The following DSC1 variants were observed in gnomAD, a reference collection of about 807,000 sequenced individuals.
DSC1 encodes desmocollin-1.
In DSC1, 79 loss-of-function variants were observed where a neutral mutation model predicts 98.8. The observed-to-expected ratio is 0.80, with a 90% CI of 0.67 to 0.96. The LOEUF (loss-of-function observed/expected upper bound fraction) is 0.96. DSC1 is among the 50% of genes least tolerant of loss of function. The pLI is 0.00. For synonymous variants in DSC1, 405 were observed against 372.1 expected (o/e 1.09, Z -1.02); for missense variants, 1,115 against 1,075.9 (o/e 1.04, Z -0.51).
At chr18:31,146,900 C>T (rs952769480) in intron 6 of DSC1, among the ~76,000 whole-genome samples, 2 of 152,086 alleles carry the variant, frequency 1.3e-5, no homozygotes, top group African/African-American at 2.4e-5. Flanking sequence ...ATATGCAAGA[C>T]AAAATCATAG....
intron 5 of DSC1, among the ~76,000 whole-genome samples, chr18:31,154,276 C>CAAA (rs66553394): frequency 0.4 from 55,714 of 139,480 alleles, 10,847 homozygotes; most frequent in Non-Finnish European, 0.45. Context: ...GAAAGGGATG[C>CAAA]AAAAAAAAAA....
intron 5 of DSC1, among the ~76,000 whole-genome samples, chr18:31,150,182 ATC>A (rs1988938445): frequency 7.1e-6 from 1 of 141,322 alleles, no homozygotes; most frequent in Non-Finnish European, 1.5e-5. Flanking sequence ...CACCACTACC[ATC>A]ACCACCATCA....
rs973363369 is a variant in DSC1 at position 31,148,444 on chromosome 18, C to T, written c.772+54G>A. On this transcript the variant is annotated intron_variant, in intron 6 of 15. Coordinates refer to ENST00000257198, the MANE Select transcript of DSC1 (RefSeq NM_024421.2). ...AACGTAAACATCTTTAATTATAATA[C>T]TTACGAAATGTCAAATAGTCTTCTT... 3.4e-5 allele frequency: 51 copies of T among 1,498,416 alleles called. No homozygotes were observed. In the East Asian group the frequency reaches 8.6e-4, roughly 25 times the overall value. The allele number at this position is 1,498,416 out of a possible 1,614,324, so 92.8% of individuals were successfully genotyped here.
chr18:31,131,827 G>A lies in DSC1; in HGVS notation c.2254C>T (p.Leu752Phe), dbSNP rs1988499105. Reference sequence around the variant, plus strand: ...CAAATGTTGGATGTCTGCATGGGGAGTCTAATATTTGCTTCCTAAAAGTAA... The same window carrying A: ...CAAATGTTGGATGTCTGCATGGGGAATCTAATATTTGCTTCCTAAAAGTAA... ...GEEVTEANIRLPMQTSNICDT... is the reference protein window; with the variant it reads ...GEEVTEANIRFPMQTSNICDT... The change falls in exon 15 of 16, where the codon CTC (leucine) becomes TTC (phenylalanine). Residue 752 changes from leucine to phenylalanine, a missense_variant. By Grantham distance (22) the Leu-to-Phe change is conservative. Transcript: ENST00000257198. 6.2e-7 allele frequency: 1 copy of A among 1,613,950 alleles called. No homozygotes were observed. The highest frequency in any genetic ancestry group is 1.3e-5 in the African/African-American group (1 of 75,032).
chr18:31,150,420 T>C (rs111211325), intron 5 of DSC1, among the ~76,000 whole-genome samples: 5,445 of 14,602 alleles, frequency 0.37, 856 homozygotes, highest in East Asian at 0.65. Flanking sequence ...ACATCATCAC[T>C]GCTACCACTA....
intron 6 of DSC1, 120 bp from the exon 7 acceptor site, chr18:31,145,897 A>T: frequency 8.3e-6 from 9 of 1,090,716 alleles, no homozygotes; most frequent in Non-Finnish European, 1.2e-5. Context: ...GATTAGTTCT[A>T]CTGTTAAGTT....
chr18:31,161,102 A>C (rs1261394395), intron 1 of DSC1, among the ~76,000 whole-genome samples: 2 of 152,158 alleles, frequency 1.3e-5, no homozygotes, highest in Non-Finnish European at 2.9e-5. Flanking sequence ...TATAGTATAT[A>C]GTATAGCTTA....
chr18:31,132,494 A>G (rs1213778955), intron 14 of DSC1, 74 bp downstream of exon 14: 3 of 1,567,460 alleles, frequency 1.9e-6, no homozygotes, highest in Non-Finnish European at 1.7e-6. Context: ...TGATATTATC[A>G]TTGACATTGT....
chr18:31,144,488 TGAAA>T (rs1187997673), intron 7 of DSC1, among the ~76,000 whole-genome samples: 2 of 152,044 alleles, frequency 1.3e-5, no homozygotes, highest in Admixed American at 1.3e-4. Context: ...TATTACTAAA[TGAAA>T]GAAGCCAATC....
At chr18:31,149,927 T>C (rs1422082607) in intron 5 of DSC1, among the ~76,000 whole-genome samples, 9 of 152,132 alleles carry the variant, frequency 5.9e-5, no homozygotes. Flanking sequence ...TCCATCAGTC[T>C]GATCTCTATA....
chr18:31,138,273 TA>T (rs1003924271), intron 11 of DSC1, among the ~76,000 whole-genome samples: 7 of 152,146 alleles, frequency 4.6e-5, no homozygotes, highest in Non-Finnish European at 1.0e-4. Context: ...ATTTTATTTT[TA>T]AAAAATTAGG....
At chr18:31,147,781 T>C (rs1237744646) in intron 6 of DSC1, among the ~76,000 whole-genome samples, 2 of 152,040 alleles carry the variant, frequency 1.3e-5, no homozygotes, top group Non-Finnish European at 2.9e-5. Context: ...CCTACAAAAG[T>C]CAAATCCTTT....
At chr18:31,158,159 C>T (rs1989138903) in intron 2 of DSC1, among the ~76,000 whole-genome samples, 1 of 152,042 alleles carries the variant, frequency 6.6e-6, no homozygotes, top group Non-Finnish European at 1.5e-5. Flanking sequence ...TCCAGCGACT[C>T]AGGAGGCTTA....
rs1988599946 is a variant in DSC1, at chr18:31,135,916, T to C, written c.1664-1132A>G. Among the ~76,000 whole-genome samples the C allele has an allele frequency of 2.0e-5, 3 of 152,264 alleles. No homozygotes were observed. The South Asian group carries it at 6.2e-4, about 32-fold the overall frequency. On this transcript the variant is annotated intron_variant, in intron 11 of 15. Coordinates refer to ENST00000257198, the MANE Select transcript of DSC1 (RefSeq NM_024421.2). ...ATCATAAAGACTACTATAACTCCCA[T>C]GCAAATATAATTTATTTTTCTTTTT...
At chr18:31,139,177 T>C (rs747294598) in intron 11 of DSC1, among the ~76,000 whole-genome samples, 1 of 152,092 alleles carries the variant, frequency 6.6e-6, no homozygotes, top group Non-Finnish European at 1.5e-5. Flanking sequence ...CTTTACTATA[T>C]TTGGAGGACA....
Position 31,130,314 on chromosome 18 carries a change from AC to A in DSC1, c.*199del, listed in dbSNP as rs1434215122. ...CATGCATATAAAAGAGAATTAACAA[AC>A]AAAACCTTGATTTCTAGAGAACATG... is the stretch of plus-strand genomic sequence containing the variant. On this transcript the variant is annotated 3_prime_UTR_variant, in exon 16 of 16. Coordinates refer to ENST00000257198, the MANE Select transcript of DSC1 (RefSeq NM_024421.2). The A allele has an allele frequency of 1.6e-6, 1 of 631,350 alleles. No homozygotes were observed. Among genetic ancestry groups the A allele is most frequent in the African/African-American group, 1.8e-5 (1 of 54,380 alleles). The allele number at this position is 631,350 out of a possible 1,614,324, so 39.1% of individuals were successfully genotyped here.
In DSC1 at chr18:31,162,819, T is replaced by G; in HGVS notation, c.-225A>C. On this transcript the variant is annotated 5_prime_UTR_variant, in exon 1 of 16. Coordinates refer to ENST00000257198, the MANE Select transcript of DSC1 (RefSeq NM_024421.2). ...CCTGGCCAGTCTCCTTCCTTCCAGT[T>G]CAATTACGTCTAAATGCAAAGAGGC... 1.9e-6 allele frequency: 1 copy of G among 529,092 alleles called. No individual in the cohort carries two copies. The highest frequency in any genetic ancestry group is 2.4e-5 in the South Asian group (1 of 41,416). The allele number at this position is 529,092 out of a possible 1,614,324, so 32.8% of individuals were successfully genotyped here.
At chr18:31,160,842 A>G (rs779279834) in intron 1 of DSC1, among the ~76,000 whole-genome samples, 11 of 152,262 alleles carry the variant, frequency 7.2e-5, no homozygotes, top group Middle Eastern at 3.4e-3. Context: ...ATACATATGC[A>G]TATACCTGTA....
Position 31,134,450 on chromosome 18 carries a change from T to C in DSC1, c.1876+122A>G, listed in dbSNP as rs565714662. 2.3e-4 allele frequency: 216 copies of C among 949,104 alleles called. 2 individuals carry two copies. In the East Asian group the frequency reaches 5.4e-3, roughly 24 times the overall value. The allele number at this position is 949,104 out of a possible 1,614,324, so 58.8% of individuals were successfully genotyped here. ...TTTTTTTAAAGATTAGGTATTGTTG[T>C]TTTTAGGGTTAATAAAATAATTTCC... On this transcript the variant is annotated intron_variant, in intron 12 of 15. Coordinates refer to ENST00000257198, the MANE Select transcript of DSC1 (RefSeq NM_024421.2).
Sources: allele counts gnomAD v4.1 joint callset (sites outside exome capture counted in the v4.1 genomes callset), GRCh38; gene constraint gnomAD v4.1.1; transcripts MANE v1.5; gene names NCBI Gene and HGNC (gene_info 2026-07-23, HGNC 2026-07-21).